Variants in ACTR3C observed in about 807,000 individuals in gnomAD.
ACTR3C encodes actin related protein 3C, also known as actin-related protein 3C.
Under a neutral mutation model 26.3 loss-of-function variants are expected in ACTR3C, and 18 were observed. The observed-to-expected ratio is 0.68, with a 90% confidence interval of 0.47 to 1.01. ACTR3C has a LOEUF of 1.01. Ranked by LOEUF, ACTR3C falls within the 50% of genes least tolerant of loss-of-function variation. The pLI is 0.00. For synonymous variants in ACTR3C, 55 were observed against 94.5 expected, an observed-to-expected ratio of 0.58 and a Z score of 2.42; for missense variants, 184 against 250.7, an observed-to-expected ratio of 0.73 and a Z score of 1.80.
chr7:150,110,750 G>A, the ACTR3C span, among the ~76,000 whole-genome samples: 260 of 146,790 alleles, frequency 1.8e-3, no homozygotes, highest in African/African-American at 6.0e-3. Context: ...AGCCAGCAGG[G>A]GGCGGGGCTT....
the ACTR3C span, among the ~76,000 whole-genome samples, chr7:149,932,574 T>C: frequency 1.3e-5 from 2 of 152,162 alleles, no homozygotes; most frequent in Non-Finnish European, 2.9e-5. Context: ...TTAAACAGGA[T>C]GGTGGAGATA....
the ACTR3C span, among the ~76,000 whole-genome samples, chr7:150,118,036 T>C: frequency 6.6e-6 from 1 of 151,994 alleles, no homozygotes; most frequent in African/African-American, 2.4e-5. Flanking sequence ...AGGAATAGCA[T>C]CGACATAAAC....
chr7:150,111,044 A>G, the ACTR3C span, among the ~76,000 whole-genome samples: 2 of 150,964 alleles, frequency 1.3e-5, no homozygotes, highest in African/African-American at 4.9e-5. Context: ...ATCCAGGGAT[A>G]ACACGTGGCA....
chr7:149,933,334 TTGA>T, the ACTR3C span, among the ~76,000 whole-genome samples: 1 of 151,460 alleles, frequency 6.6e-6, no homozygotes, highest in African/African-American at 2.4e-5. Flanking sequence ...GGCGATCTTA[TTGA>T]TACATCTGCC....
the ACTR3C span, among the ~76,000 whole-genome samples, chr7:150,167,956 A>T: frequency 6.6e-6 from 1 of 150,888 alleles, no homozygotes; most frequent in Non-Finnish European, 1.5e-5. Flanking sequence ...AAATATATAT[A>T]TTTAGATAAA....
chr7:150,020,024 G>A, the ACTR3C span, among the ~76,000 whole-genome samples: 79 of 152,216 alleles, frequency 5.2e-4, no homozygotes, highest in Non-Finnish European at 1.0e-3. Flanking sequence ...ATGGAGTATT[G>A]TGTCTAGTGA....
chr7:150,042,058 AG>A, the ACTR3C span, among the ~76,000 whole-genome samples: 57 of 37,090 alleles, frequency 1.5e-3, no homozygotes, highest in South Asian at 2.1e-3. Context: ...GTCCTAAGCC[AG>A]GGGGGGATGA....
In ACTR3C at chr7:150,247,405, C is replaced by T. The variant is rs1832526370; in HGVS notation, c.*203G>A. On this transcript the variant is annotated 3_prime_UTR_variant, in exon 8 of 8. Coordinates refer to ENST00000683684, the MANE Select transcript of ACTR3C (RefSeq NM_001164458.2). ...GCTGCCCCACGTAGTAAGGATGCAA[C>T]AGTTTGTGGTTCTCTAGAGAGCTTT... 1 of 150,384 alleles carries T rather than the reference C, an allele frequency of 6.6e-6. No individual in the cohort carries two copies. The highest frequency in any genetic ancestry group is 1.5e-5 in the Non-Finnish European group (1 of 67,744). The allele number at this position is 150,384 out of a possible 1,614,324, so 9.3% of individuals were successfully genotyped here. A position where few individuals can be genotyped will look rare whatever the true frequency, so the allele number is the denominator to read the frequency against.
chr7:150,132,468 G>C, the ACTR3C span, among the ~76,000 whole-genome samples: 2 of 152,140 alleles, frequency 1.3e-5, no homozygotes, highest in Non-Finnish European at 2.9e-5. Context: ...CGTCTCAAAA[G>C]AAGACATACA....
chr7:150,033,673 C>CA, the ACTR3C span, among the ~76,000 whole-genome samples: 5 of 149,710 alleles, frequency 3.3e-5, no homozygotes, highest in African/African-American at 1.2e-4. Flanking sequence ...CCCTGCCTCG[C>CA]GGGGGGTGCC....
the ACTR3C span, among the ~76,000 whole-genome samples, chr7:150,044,200 T>C: frequency 1.3e-5 from 2 of 152,080 alleles, no homozygotes; most frequent in East Asian, 3.8e-4. Flanking sequence ...AAAAGAAATG[T>C]TCAAGCAGGC....
the ACTR3C span, among the ~76,000 whole-genome samples, chr7:150,203,635 G>A: frequency 7.3e-5 from 11 of 151,610 alleles, no homozygotes; most frequent in East Asian, 1.9e-4. Flanking sequence ...GCATGATCTC[G>A]GCTCACTGCA....
chr7:149,928,575 C>T, the ACTR3C span, among the ~76,000 whole-genome samples: 1 of 151,922 alleles, frequency 6.6e-6, no homozygotes. Context: ...GGTGCAGTGC[C>T]TCATGCCTGT....
the ACTR3C span, among the ~76,000 whole-genome samples, chr7:150,136,766 T>C: frequency 2.0e-3 from 310 of 152,326 alleles, 7 homozygotes; most frequent in Admixed American, 0.019. Context: ...TGCTGTGTCC[T>C]CATCAGTCAC....
At chr7:150,078,142 A>C in the ACTR3C span, among the ~76,000 whole-genome samples, 1 of 152,112 alleles carries the variant, frequency 6.6e-6, no homozygotes, top group African/African-American at 2.4e-5. Flanking sequence ...TACCTTTATC[A>C]CTAGGATGTT....
the ACTR3C span, among the ~76,000 whole-genome samples, chr7:149,906,229 G>A: frequency 3.3e-5 from 5 of 152,018 alleles, no homozygotes; most frequent in Non-Finnish European, 5.9e-5. Flanking sequence ...GATAAAAATG[G>A]AGTAGAAACA....
At chr7:150,126,818 G>T in the ACTR3C span, among the ~76,000 whole-genome samples, 1 of 152,156 alleles carries the variant, frequency 6.6e-6, no homozygotes, top group African/African-American at 2.4e-5. Context: ...TATGTTCACG[G>T]TTGTCTGCAG....
At chr7:150,034,821 G>A in the ACTR3C span, among the ~76,000 whole-genome samples, 1 of 147,232 alleles carries the variant, frequency 6.8e-6, no homozygotes, top group African/African-American at 2.5e-5. Context: ...CGTGGGGGGT[G>A]CCTCCCCCCT....
the ACTR3C span, among the ~76,000 whole-genome samples, chr7:149,969,557 T>C: frequency 6.6e-6 from 1 of 152,180 alleles, no homozygotes; most frequent in South Asian, 2.1e-4. Flanking sequence ...TTTTAATCTA[T>C]ACCTAAAATG....
Sources: gnomAD v4.1 joint callset for allele counts (sites outside exome capture counted in the v4.1 genomes callset) on GRCh38, gnomAD v4.1.1 for gene constraint, MANE v1.5 for transcripts, NCBI Gene and HGNC (gene_info 2026-07-23, HGNC 2026-07-21) for gene names.